Variants in CRPPA observed in about 807,000 individuals in gnomAD.
CRPPA encodes the protein CDP-L-ribitol pyrophosphorylase A.
A neutral mutation model predicts 52.0 loss-of-function variants in CRPPA; 43 were observed. That is an observed-to-expected ratio of 0.83 (90% CI 0.65 to 1.07). The LOEUF is 1.07. Among genes scored for constraint, CRPPA ranks in the 50% least tolerant of loss-of-function variants. CRPPA has a pLI of 0.00. For synonymous variants in CRPPA, 250 were observed against 203.5 expected (o/e 1.23, Z -1.94); for missense variants, 629 against 551.7 (o/e 1.14, Z -1.40).
intron 1 of CRPPA, among the ~76,000 whole-genome samples, chr7:16,418,364 CA>C (rs1194111046): frequency 5.3e-5 from 8 of 152,162 alleles, no homozygotes; most frequent in African/African-American, 1.9e-4. Flanking sequence ...AAGTAGAAGA[CA>C]AACGTTTTAT....
intron 3 of CRPPA, among the ~76,000 whole-genome samples, chr7:16,354,862 G>A (rs1786254204): frequency 1.3e-5 from 2 of 152,106 alleles, no homozygotes; most frequent in African/African-American, 4.8e-5. Context: ...CCTAAGGCAT[G>A]TATGTAAAAA....
At chr7:16,342,763 C>CA (rs368521163) in intron 3 of CRPPA, among the ~76,000 whole-genome samples, 6 of 64,964 alleles carry the variant, frequency 9.2e-5, no homozygotes, top group African/African-American at 2.4e-4. Flanking sequence ...CCTGTCTCCA[C>CA]AAAAAAAAAA....
chr7:16,182,542 C>T (rs1175101292), intron 9 of CRPPA, among the ~76,000 whole-genome samples: 3 of 152,118 alleles, frequency 2.0e-5, no homozygotes, highest in Non-Finnish European at 4.4e-5. Context: ...CAAAACAAAA[C>T]TCCAGTGTTA....
chr7:16,216,256 A>G, intron 8 of CRPPA, 59 bp from the exon 9 acceptor site: 1 of 1,114,186 alleles, frequency 9.0e-7, no homozygotes. Flanking sequence ...CTCTGGAGGG[A>G]AAAAACATTA....
chr7:16,379,994 C>T (rs1439859185), intron 2 of CRPPA, among the ~76,000 whole-genome samples: 1 of 151,786 alleles, frequency 6.6e-6, no homozygotes, highest in Non-Finnish European at 1.5e-5. Flanking sequence ...CTTCTCCTGC[C>T]TAATTGCCCT....
At chr7:16,100,228 T>C (rs753875395) in intron 9 of CRPPA, among the ~76,000 whole-genome samples, 5 of 152,216 alleles carry the variant, frequency 3.3e-5, no homozygotes, top group Non-Finnish European at 1.5e-5. Flanking sequence ...CTAATTGACA[T>C]CAATTTTTAA....
chr7:16,323,589 G>C (rs1001139476), intron 3 of CRPPA, among the ~76,000 whole-genome samples: 6 of 152,128 alleles, frequency 3.9e-5, no homozygotes, highest in African/African-American at 1.4e-4. Flanking sequence ...CCAAATCAGA[G>C]AACCTCAGCT....
At chr7:16,207,017 T>C (rs879807949) in intron 9 of CRPPA, among the ~76,000 whole-genome samples, 1 of 152,158 alleles carries the variant, frequency 6.6e-6, no homozygotes, top group Non-Finnish European at 1.5e-5. Context: ...TGCCAAACAT[T>C]ACACACCTTT....
chr7:16,362,861 G>A (rs977876592), intron 3 of CRPPA, among the ~76,000 whole-genome samples: 3 of 152,052 alleles, frequency 2.0e-5, no homozygotes, highest in African/African-American at 7.2e-5. Context: ...GCTTGTCAGA[G>A]GTTTGTCTCA....
intron 9 of CRPPA, among the ~76,000 whole-genome samples, chr7:16,159,139 G>A (rs1036694805): frequency 4.6e-5 from 7 of 152,090 alleles, no homozygotes; most frequent in South Asian, 4.1e-4. Context: ...GAGAGTGGCC[G>A]GGTGCGGTGG....
At chr7:16,399,902 A>T (rs1461313305) in intron 2 of CRPPA, among the ~76,000 whole-genome samples, 2 of 152,010 alleles carry the variant, frequency 1.3e-5, no homozygotes, top group Non-Finnish European at 2.9e-5. Context: ...TCGTTATGTG[A>T]TCAACACGTG....
At chr7:16,183,954 G>C (rs1201643460) in intron 9 of CRPPA, among the ~76,000 whole-genome samples, 1 of 151,790 alleles carries the variant, frequency 6.6e-6, no homozygotes, top group African/African-American at 2.4e-5. Flanking sequence ...TTTTTTGTTT[G>C]TTTTTGAGAC....
intron 9 of CRPPA, among the ~76,000 whole-genome samples, chr7:16,142,231 C>T (rs116821304): frequency 6.6e-6 from 1 of 152,100 alleles, no homozygotes; most frequent in Non-Finnish European, 1.5e-5. Context: ...AGGTTCAGGG[C>T]TACATGTGCA....
At chr7:16,419,070 G>A (rs1788264073) in intron 1 of CRPPA, among the ~76,000 whole-genome samples, 1 of 152,124 alleles carries the variant, frequency 6.6e-6, no homozygotes, top group African/African-American at 2.4e-5. Context: ...ATAGGTAAGT[G>A]GTTCATGAAA....
intron 8 of CRPPA, among the ~76,000 whole-genome samples, chr7:16,231,494 T>C (rs1027683792): frequency 5.3e-5 from 8 of 152,284 alleles, no homozygotes; most frequent in Non-Finnish European, 7.4e-5. Context: ...ATATATCCCA[T>C]TAAATATTTT....
chr7:16,301,024 A>G (rs1784779923), intron 5 of CRPPA, among the ~76,000 whole-genome samples: 1 of 152,178 alleles, frequency 6.6e-6, no homozygotes, highest in African/African-American at 2.4e-5. Flanking sequence ...AGGAAAAACA[A>G]TGTTTCTCAC....
chr7:16,153,771 G>A (rs1353954909), intron 9 of CRPPA, among the ~76,000 whole-genome samples: 1 of 151,660 alleles, frequency 6.6e-6, no homozygotes, highest in Non-Finnish European at 1.5e-5. Flanking sequence ...CTCTGTGAGA[G>A]TAACTTTTCT....
At chr7:16,112,933 A>G (rs1382835616) in intron 9 of CRPPA, among the ~76,000 whole-genome samples, 2 of 152,138 alleles carry the variant, frequency 1.3e-5, no homozygotes, top group East Asian at 1.9e-4. Flanking sequence ...ACATAAATAC[A>G]GAAATGCATT....
At chr7:16,340,507 A>G (rs1785795442) in intron 3 of CRPPA, among the ~76,000 whole-genome samples, 1 of 151,890 alleles carries the variant, frequency 6.6e-6, no homozygotes, top group Non-Finnish European at 1.5e-5. Flanking sequence ...TAGGTCATTC[A>G]GGAAATCCAA....
Sources: allele counts gnomAD v4.1 joint callset (sites outside exome capture counted in the v4.1 genomes callset), GRCh38; gene constraint gnomAD v4.1.1; transcripts MANE v1.5; gene names NCBI Gene and HGNC (gene_info 2026-07-23, HGNC 2026-07-21).